ACSL4: variants seen among roughly 807,000 people sequenced by gnomAD.
ACSL4 encodes acyl-CoA synthetase long chain family member 4.
A neutral mutation model predicts 49.1 loss-of-function variants in ACSL4; 9 were observed. That is an observed-to-expected ratio of 0.18 (90% CI 0.11 to 0.32). The LOEUF (loss-of-function observed/expected upper bound fraction) is 0.32. Among genes scored for constraint, ACSL4 ranks in the 10% least tolerant of loss-of-function variants. The pLI is 1.00. For synonymous variants in ACSL4, 191 were observed against 170.3 expected, an observed-to-expected ratio of 1.12 and a Z score of -0.95; for missense variants, 333 against 493.7, an observed-to-expected ratio of 0.67 and a Z score of 3.08.
At chrX:109,709,371 A>G (rs1411337556) in intron 1 of ACSL4, among the ~76,000 whole-genome samples, 1 of 112,539 alleles carries the variant, frequency 8.9e-6, no homozygotes. Flanking sequence ...AAAGGGTATC[A>G]TCTTACCTGT....
rs1934454334 is a variant in ACSL4, at chrX:109,641,869, T to C, written c.*2160A>G. The C allele has an allele frequency of 8.9e-6, 1 of 112,735 alleles. No individual in the cohort carries two copies. The highest frequency in any genetic ancestry group is 1.9e-5 in the Non-Finnish European group (1 of 53,232). The allele number at this position is 112,735 out of a possible 1,213,427, so 9.3% of individuals were successfully genotyped here. On this transcript the variant is annotated 3_prime_UTR_variant, in exon 16 of 16. Coordinates refer to ENST00000672401, the MANE Select transcript of ACSL4 (RefSeq NM_001318510.2). The stretch of plus-strand genomic sequence containing the variant: ...TGATGGCTGATGTGTATGTAATAAC[T>C]GTGAGCAATTTAAACAGGTATAAAA...
At chrX:109,720,265 G>C (rs1351541040) in intron 1 of ACSL4, among the ~76,000 whole-genome samples, 1 of 109,792 alleles carries the variant, frequency 9.1e-6, no homozygotes, top group Non-Finnish European at 1.9e-5. Context: ...AGGAGGCAGA[G>C]ATTGCAGTGA....
At chrX:109,730,954 C>A (rs1256633330) in intron 1 of ACSL4, among the ~76,000 whole-genome samples, 1 of 111,874 alleles carries the variant, frequency 8.9e-6, no homozygotes, top group Admixed American at 9.5e-5. Flanking sequence ...GCGTGAGCCA[C>A]CACACCCAGC....
intron 1 of ACSL4, among the ~76,000 whole-genome samples, chrX:109,724,229 T>G (rs1444101645): frequency 2.7e-5 from 3 of 111,167 alleles, no homozygotes; most frequent in Non-Finnish European, 5.7e-5. Context: ...TCAACAAACT[T>G]TGTGTGTGTG....
At chrX:109,709,189 A>G (rs1926574974) in intron 1 of ACSL4, among the ~76,000 whole-genome samples, 1 of 112,068 alleles carries the variant, frequency 8.9e-6, no homozygotes, top group African/African-American at 3.2e-5. Context: ...TAACTCAAGC[A>G]AAAGGAACCA....
intron 12 of ACSL4, 47 bp from the exon 13 acceptor site, chrX:109,663,449 A>G: frequency 9.1e-7 from 1 of 1,094,163 alleles, no homozygotes; most frequent in Non-Finnish European, 1.3e-6. Context: ...AACAAATTTC[A>G]TTAATTCTTA....
At chrX:109,693,569 C>T (rs1925199779) in intron 2 of ACSL4, among the ~76,000 whole-genome samples, 1 of 112,272 alleles carries the variant, frequency 8.9e-6, no homozygotes, top group South Asian at 3.7e-4. Flanking sequence ...TGGAAAAGTA[C>T]CCCTGGAGTT....
At chrX:109,671,363 G>A (rs980477923) in intron 9 of ACSL4, among the ~76,000 whole-genome samples, 1 of 111,432 alleles carries the variant, frequency 9.0e-6, no homozygotes, top group African/African-American at 3.3e-5. Flanking sequence ...CTCCCCGTCT[G>A]AGAAGTGAGG....
At chrX:109,699,663 A>G (rs1453855341) in intron 1 of ACSL4, among the ~76,000 whole-genome samples, 1 of 112,056 alleles carries the variant, frequency 8.9e-6, no homozygotes, top group African/African-American at 3.2e-5. Context: ...TGTACTTCAA[A>G]TACTAACAGT....
intron 2 of ACSL4, among the ~76,000 whole-genome samples, chrX:109,685,036 T>C (rs1209221711): frequency 1.8e-5 from 2 of 110,240 alleles, no homozygotes; most frequent in East Asian, 2.8e-4. Flanking sequence ...AACAGTGCCA[T>C]TGGAAAGAAA....
intron 6 of ACSL4, 89 bp from the exon 7 acceptor site, chrX:109,678,504 G>T: frequency 9.4e-7 from 1 of 1,062,943 alleles, no homozygotes; most frequent in Non-Finnish European, 1.3e-6. Flanking sequence ...TTTGCATAAC[G>T]ATAAGCTATC....
chrX:109,650,221 TG>T (rs1490613559), intron 15 of ACSL4, among the ~76,000 whole-genome samples: 6 of 111,384 alleles, frequency 5.4e-5, no homozygotes, highest in African/African-American at 2.0e-4. Context: ...TAAAGACAGA[TG>T]CACACATATG....
intron 2 of ACSL4, among the ~76,000 whole-genome samples, chrX:109,690,770 C>G (rs1232898462): frequency 1.9e-5 from 2 of 103,018 alleles, no homozygotes; most frequent in East Asian, 3.1e-4. Context: ...GGGGGGGGGG[C>G]CTCTATAGAT....
intron 15 of ACSL4, among the ~76,000 whole-genome samples, chrX:109,653,354 T>C (rs1412111642): frequency 9.0e-6 from 1 of 111,670 alleles, no homozygotes; most frequent in African/African-American, 3.3e-5. Flanking sequence ...ACACTGTTGG[T>C]GGGATTGTAA....
chrX:109,726,102 A>G (rs1380353246), intron 1 of ACSL4, among the ~76,000 whole-genome samples: 2 of 112,320 alleles, frequency 1.8e-5, no homozygotes, highest in Non-Finnish European at 3.7e-5. Flanking sequence ...GTTACAACAT[A>G]TTAAACAAAT....
chrX:109,647,786 TAAAGAAAAA>T (rs1934796249), intron 15 of ACSL4, among the ~76,000 whole-genome samples: 1 of 107,994 alleles, frequency 9.3e-6, no homozygotes, highest in South Asian at 4.0e-4. Flanking sequence ...GCAAGACTAA[TAAAGAAAAA>T]AAGAGAGAAG....
intron 15 of ACSL4, among the ~76,000 whole-genome samples, chrX:109,655,076 A>C (rs1257988878): frequency 9.0e-6 from 1 of 111,590 alleles, no homozygotes; most frequent in African/African-American, 3.3e-5. Context: ...AGAATGACTT[A>C]AGAGAAAAAG....
intron 2 of ACSL4, among the ~76,000 whole-genome samples, chrX:109,684,807 G>C (rs1047222394): frequency 9.0e-6 from 1 of 111,022 alleles, no homozygotes; most frequent in Admixed American, 9.6e-5. Flanking sequence ...CCAGGCTCAG[G>C]GACCATATGA....
intron 1 of ACSL4, among the ~76,000 whole-genome samples, chrX:109,719,704 C>T (rs889168186): frequency 8.9e-6 from 1 of 112,113 alleles, no homozygotes; most frequent in African/African-American, 3.2e-5. Context: ...AGCTACTTTC[C>T]GCCGGGCGTG....
Sources: allele counts gnomAD v4.1 joint callset (sites outside exome capture counted in the v4.1 genomes callset), GRCh38; gene constraint gnomAD v4.1.1; transcripts MANE v1.5; gene names NCBI Gene and HGNC (gene_info 2026-07-23, HGNC 2026-07-21).